Variants in MYLK3 observed in about 807,000 individuals in gnomAD.
The protein encoded by MYLK3 is MLC kinase.
A neutral mutation model predicts 76.3 loss-of-function variants in MYLK3; 55 were observed. The observed-to-expected ratio is 0.72, with a 90% CI of 0.58 to 0.90. MYLK3 has a LOEUF of 0.90. Ranked by LOEUF, MYLK3 falls within the 40% of genes least tolerant of loss-of-function variation. The pLI, the probability that MYLK3 is intolerant of heterozygous loss-of-function variation, is 0.00. For missense variants in MYLK3, 973 were observed against 1,053.6 expected (o/e 0.92, Z 1.06); for synonymous variants, 416 against 425.4 (o/e 0.98, Z 0.27).
At position 46,710,567 on chromosome 16, in the gene MYLK3, A is replaced by T. The variant is rs1299353639; in HGVS notation, c.2267+70T>A. 5 of 1,554,134 alleles carry T rather than the reference A, an allele frequency of 3.2e-6. No individual in the cohort carries two copies. The African/African-American group carries it at 4.1e-5, about 13-fold the overall frequency. ...AGGAAGAAGGACCTTCACGGTCAGC[A>T]GTCCTGCCCAGCTCCCAGACCTGGG... is the stretch of plus-strand genomic sequence containing the variant. On this transcript the variant is annotated intron_variant, in intron 11 of 12. Transcript: ENST00000394809.
Position 46,730,583 on chromosome 16 carries a change from G to A in MYLK3, c.1568+10C>T. 6.2e-7 allele frequency: 1 copy of A among 1,611,588 alleles called. No individual in the cohort carries two copies. The highest frequency in any genetic ancestry group is 8.5e-7 in the Non-Finnish European group (1 of 1,177,924). Reference sequence around the variant, plus strand: ...TCTAAGCCCCCCAACCAAGGCAGATGCCCACCTACCCTCCCAAGACTTCGT... The same window carrying A: ...TCTAAGCCCCCCAACCAAGGCAGATACCCACCTACCCTCCCAAGACTTCGT... On this transcript the variant is annotated intron_variant, in intron 5 of 12. Transcript: ENST00000394809.
chr16:46,717,594 C>G (rs1034859410), intron 9 of MYLK3, among the ~76,000 whole-genome samples: 1 of 151,958 alleles, frequency 6.6e-6, no homozygotes, highest in African/African-American at 2.4e-5. Context: ...CACAGGGCGC[C>G]CCCCCCACCT....
At position 46,704,988 on chromosome 16, in the gene MYLK3, G is replaced by A. The variant is rs1966610642; in HGVS notation, c.*2716C>T. The A allele has an allele frequency of 6.6e-6, 1 of 152,344 alleles. No homozygotes were observed. The highest frequency in any genetic ancestry group is 2.1e-4 in the South Asian group (1 of 4,830). The allele number at this position is 152,344 out of a possible 1,614,324, so 9.4% of individuals were successfully genotyped here. ...ACTTTCAGCAGCTGTGTCTTCTGAT[G>A]TTCATTCTTCAGCTGACCAACTTGG... On this transcript the variant is annotated 3_prime_UTR_variant, in exon 13 of 13. Transcript: ENST00000394809.
chr16:46,752,214 G>A (rs987055702), upstream of MYLK3, among the ~76,000 whole-genome samples: 1 of 152,002 alleles, frequency 6.6e-6, no homozygotes, highest in African/African-American at 2.4e-5. Context: ...GGGTGAGAGA[G>A]ATTTCAACAC....
At chr16:46,741,421 T>C (rs2143016335) in intron 1 of MYLK3, among the ~76,000 whole-genome samples, 1 of 152,346 alleles carries the variant, frequency 6.6e-6, no homozygotes, top group Non-Finnish European at 1.5e-5. Context: ...CCCAGAGCCA[T>C]CAGTATGCTT....
intron 9 of MYLK3, among the ~76,000 whole-genome samples, chr16:46,713,339 A>G (rs988852405): frequency 1.3e-5 from 2 of 151,874 alleles, no homozygotes; most frequent in African/African-American, 2.4e-5. Flanking sequence ...CTGGGGCTAC[A>G]GGCACACGCC....
chr16:46,760,048 G>A (rs551258405), intron 1 of MYLK3, among the ~76,000 whole-genome samples: 6 of 152,350 alleles, frequency 3.9e-5, no homozygotes, highest in African/African-American at 1.4e-4. Flanking sequence ...TTATGCTTAA[G>A]TTGGAACCAG....
rs571222035 is a variant in MYLK3 at position 46,724,270 on chromosome 16, A to G, written c.1914+2966T>C. ...TGTGAGCTATTATTTTACTTTTCTC[A>G]TGGTATCCTTTGAAGTATGAGATTT... On this transcript the variant is annotated intron_variant, in intron 8 of 12. Coordinates refer to ENST00000394809, the MANE Select transcript of MYLK3 (RefSeq NM_182493.3). Among the ~76,000 whole-genome samples, 129 of 152,142 alleles carry G rather than the reference A, an allele frequency of 8.5e-4. 1 individual carries two copies. The highest frequency in any genetic ancestry group is 3.0e-3 in the African/African-American group (126 of 41,504).
At position 46,727,369 on chromosome 16, in the gene MYLK3, C is replaced by T. The variant is rs1220182961; in HGVS notation, c.1781G>A (p.Gly594Glu). 1.9e-6 allele frequency: 3 copies of T among 1,608,682 alleles called. No individual in the cohort carries two copies. Among genetic ancestry groups the T allele is most frequent in the Non-Finnish European group, 2.6e-6 (3 of 1,175,776 alleles). ...SCTLVMEYVD[G>E]GELFDRITDE... is the part of the protein sequence containing the mutation. ...TGTGATCCGGTCGAAGAGCTCACCC[C>T]CGTCCACGCTGCCAGAGCAAAGGGA... The change falls in exon 8 of 13, where the codon GGG (glycine) becomes GAG (glutamate). Residue 594 changes from glycine (G) to glutamate (E), a missense_variant. Physicochemically the swap from Gly to Glu is moderately conservative, Grantham distance 98. Transcript: ENST00000394809.
rs1162099569 is a variant in MYLK3 at position 46,703,791 on chromosome 16, A to G, written c.*3913T>C. The G allele has an allele frequency of 6.5e-6, 1 of 153,796 alleles. No individual in the cohort carries two copies. The highest frequency in any genetic ancestry group is 1.5e-5 in the Non-Finnish European group (1 of 68,050). The allele number at this position is 153,796 out of a possible 1,614,324, so 9.5% of individuals were successfully genotyped here. On this transcript the variant is annotated 3_prime_UTR_variant, in exon 13 of 13. Transcript: ENST00000394809. ...TAAGGAATAACAGCATAAAGGGAAA[A>G]AAATTAAAATTGTTAGATACAGGAT... is the stretch of plus-strand genomic sequence containing the variant.
Position 46,707,721 on chromosome 16 carries a change from AT to A in MYLK3, c.2442del (p.Lys814AsnfsTer20), listed in dbSNP as rs2143012168. On this transcript the variant is annotated frameshift_variant, in exon 13 of 13. Coordinates refer to ENST00000394809, the MANE Select transcript of MYLK3 (RefSeq NM_182493.3). LOFTEE classifies it high-confidence loss of function. Reference sequence around the variant, plus strand: ...GTTGAAGATTAGGGAGAAGTTGGAAATTTCCTTAACCTGTTGGCAGCAGTCA... The same window carrying A: ...GTTGAAGATTAGGGAGAAGTTGGAAATTCCTTAACCTGTTGGCAGCAGTCA... The part of the protein sequence containing the change: ...YVVTAANRLR[K>X]FPTSP 1 of 1,613,030 alleles carries A rather than the reference AT, an allele frequency of 6.2e-7. No homozygotes were observed. The highest frequency in any genetic ancestry group is 8.5e-7 in the Non-Finnish European group (1 of 1,179,082).
chr16:46,712,824 G>A (rs760897186), intron 9 of MYLK3, 48 bp from the exon 10 acceptor site: 27 of 1,490,404 alleles, frequency 1.8e-5, no homozygotes, highest in East Asian at 1.8e-4. Context: ...AGGCCTGGGA[G>A]ATGTGGTGCT....
chr16:46,717,458 T>C (rs896499363), intron 9 of MYLK3, among the ~76,000 whole-genome samples: 1 of 152,050 alleles, frequency 6.6e-6, no homozygotes, highest in Non-Finnish European at 1.5e-5. Context: ...CTGTGGCCTA[T>C]AGGATAATGT....
At chr16:46,757,684 G>A (rs1164387906) in intron 1 of MYLK3, 1 of 859,692 alleles carries the variant, frequency 1.2e-6, no homozygotes, top group Admixed American at 6.2e-5. Context: ...CCCTGTCCAG[G>A]CCCCAGCGGC....
intron 9 of MYLK3, among the ~76,000 whole-genome samples, chr16:46,715,268 T>C (rs1041304985): frequency 2.0e-5 from 3 of 152,230 alleles, no homozygotes; most frequent in African/African-American, 7.2e-5. Context: ...CAGTAAGTAC[T>C]AGTTAAAGTT....
At chr16:46,735,938 A>C (rs1391805227) in intron 3 of MYLK3, among the ~76,000 whole-genome samples, 1 of 152,218 alleles carries the variant, frequency 6.6e-6, no homozygotes, top group Non-Finnish European at 1.5e-5. Flanking sequence ...GACTCACGGC[A>C]GGCAGTGCTG....
intron 8 of MYLK3, among the ~76,000 whole-genome samples, chr16:46,725,110 T>C (rs1177713073): frequency 1.3e-5 from 2 of 152,204 alleles, no homozygotes; most frequent in Non-Finnish European, 2.9e-5. Context: ...TCAGTCCCAG[T>C]ATTTAGAAAT....
At chr16:46,721,572 T>C (rs752856818) in intron 8 of MYLK3, among the ~76,000 whole-genome samples, 16 of 152,208 alleles carry the variant, frequency 1.1e-4, no homozygotes, top group Non-Finnish European at 1.8e-4. Flanking sequence ...CTCGCCATGT[T>C]GCCCAGGCCT....
At chr16:46,756,765 G>C (rs1401929764) in intron 1 of MYLK3, among the ~76,000 whole-genome samples, 1 of 152,190 alleles carries the variant, frequency 6.6e-6, no homozygotes, top group African/African-American at 2.4e-5. Context: ...CATCTGCACT[G>C]GGGGCCCATT....
Sources: allele counts gnomAD v4.1 joint callset (sites outside exome capture counted in the v4.1 genomes callset), GRCh38; gene constraint gnomAD v4.1.1; transcripts MANE v1.5; gene names NCBI Gene and HGNC (gene_info 2026-07-23, HGNC 2026-07-21).